Variants in DPYS observed in about 807,000 individuals in gnomAD.
The protein encoded by DPYS is dihydropyrimidinase, also known as dihydropyrimidine amidohydrolase.
Under a neutral mutation model 50.3 loss-of-function variants are expected in DPYS, and 39 were observed. The observed-to-expected ratio is 0.78, with a 90% CI of 0.60 to 1.01. The LOEUF (loss-of-function observed/expected upper bound fraction) is 1.01, where lower values mean the gene tolerates loss of function less well. Ranked by LOEUF, DPYS falls within the 50% of genes least tolerant of loss-of-function variation. DPYS has a pLI of 0.00. For synonymous variants in DPYS, 245 were observed against 250.7 expected, an observed-to-expected ratio of 0.98 and a Z score of 0.22; for missense variants, 659 against 680.9, an observed-to-expected ratio of 0.97 and a Z score of 0.36.
chr8:104,436,173 G>A (rs1813138908), intron 4 of DPYS, among the ~76,000 whole-genome samples: 1 of 152,166 alleles, frequency 6.6e-6, no homozygotes, highest in Non-Finnish European at 1.5e-5. Flanking sequence ...AGACACGCTT[G>A]GTGGAAGAGG....
chr8:104,432,827 C>T (rs1021676582), intron 4 of DPYS, among the ~76,000 whole-genome samples: 1 of 152,098 alleles, frequency 6.6e-6, no homozygotes, highest in Non-Finnish European at 1.5e-5. Context: ...TATGAAAGTA[C>T]CCAGAATCTT....
intron 7 of DPYS, chr8:104,423,847 G>A (rs1812632677): frequency 1.9e-6 from 1 of 519,642 alleles, no homozygotes; most frequent in African/African-American, 2.1e-5. Flanking sequence ...CCTTTGTGCT[G>A]GAATTTTTCT....
chr8:104,397,769 T>C (rs991268283), intron 7 of DPYS, among the ~76,000 whole-genome samples: 1 of 152,214 alleles, frequency 6.6e-6, no homozygotes, highest in Non-Finnish European at 1.5e-5. Flanking sequence ...TTGCCCAAGG[T>C]TCACATAGTT....
chr8:104,386,397 G>A (rs984123497), intron 8 of DPYS, among the ~76,000 whole-genome samples: 1 of 151,804 alleles, frequency 6.6e-6, no homozygotes, highest in Non-Finnish European at 1.5e-5. Context: ...TCCAGGTGTG[G>A]TGGCCTACGC....
intron 7 of DPYS, among the ~76,000 whole-genome samples, chr8:104,415,859 AGATTTCT>A (rs1812348917): frequency 6.6e-6 from 1 of 152,162 alleles, no homozygotes; most frequent in South Asian, 2.1e-4. Flanking sequence ...CATTATACAA[AGATTTCT>A]GACTCACAGC....
chr8:104,438,293 G>A (rs944543320), intron 4 of DPYS, among the ~76,000 whole-genome samples: 1 of 152,160 alleles, frequency 6.6e-6, no homozygotes, highest in Admixed American at 6.5e-5. Context: ...AAAGTATGAT[G>A]AAGAAGCTAG....
intron 7 of DPYS, among the ~76,000 whole-genome samples, chr8:104,423,394 C>T (rs2140618147): frequency 6.6e-6 from 1 of 152,240 alleles, no homozygotes; most frequent in East Asian, 1.9e-4. Flanking sequence ...AAATGATCAT[C>T]GTTTTCCCAA....
At position 104,444,199 on chromosome 8, in the gene DPYS, T is replaced by C. The variant is rs765072660; in HGVS notation, c.793+49A>G. 1.6e-5 allele frequency: 26 copies of C among 1,606,220 alleles called. No individual in the cohort carries two copies. In the African/African-American group the frequency reaches 2.8e-4, roughly 17 times the overall value. On this transcript the variant is annotated intron_variant, in intron 4 of 9. Transcript: ENST00000351513. ...AGCAGAGGCTACAGACGTGGACTTTTCTCTTCAGCTAACACTGAGTTCTAA... is the reference window on the plus strand; with the variant it reads ...AGCAGAGGCTACAGACGTGGACTTTCCTCTTCAGCTAACACTGAGTTCTAA...
At chr8:104,455,342 A>G (rs1463598331) in intron 1 of DPYS, among the ~76,000 whole-genome samples, 1 of 152,192 alleles carries the variant, frequency 6.6e-6, no homozygotes. Context: ...GTTAAAGGGC[A>G]GAATTAAGGT....
chr8:104,436,224 C>T (rs996000513), intron 4 of DPYS, among the ~76,000 whole-genome samples: 8 of 152,202 alleles, frequency 5.3e-5, no homozygotes, highest in South Asian at 4.2e-4. Flanking sequence ...TGAACTGTCC[C>T]GTCAACATAC....
intron 1 of DPYS, among the ~76,000 whole-genome samples, chr8:104,459,425 T>C (rs762299108): frequency 8.5e-5 from 13 of 152,222 alleles, no homozygotes; most frequent in Non-Finnish European, 1.9e-4. Context: ...ACAAATACCA[T>C]GGTTTTCATC....
intron 7 of DPYS, among the ~76,000 whole-genome samples, chr8:104,399,614 A>T (rs569552135): frequency 7.3e-4 from 111 of 152,070 alleles, no homozygotes; most frequent in African/African-American, 2.6e-3. Flanking sequence ...TCACGCCTGT[A>T]ATCCCAGCAC....
At chr8:104,463,915 A>G (rs1814257740) in intron 1 of DPYS, among the ~76,000 whole-genome samples, 1 of 152,090 alleles carries the variant, frequency 6.6e-6, no homozygotes. Context: ...GTTTATCTAT[A>G]TTTCCCCATC....
chr8:104,397,364 G>A (rs1811629518), intron 7 of DPYS, among the ~76,000 whole-genome samples: 1 of 152,216 alleles, frequency 6.6e-6, no homozygotes, highest in Non-Finnish European at 1.5e-5. Flanking sequence ...CATGCTAGGT[G>A]CTTTATAAAC....
chr8:104,444,544 G>T, intron 3 of DPYS, 107 bp from the exon 4 acceptor site: 1 of 1,225,776 alleles, frequency 8.2e-7, no homozygotes, highest in Non-Finnish European at 1.2e-6. Context: ...GATCTGTTAG[G>T]TATAGGGGTG....
At chr8:104,390,167 T>C (rs964145348) in intron 8 of DPYS, among the ~76,000 whole-genome samples, 6 of 152,182 alleles carry the variant, frequency 3.9e-5, no homozygotes, top group African/African-American at 1.4e-4. Flanking sequence ...TAATCTATCA[T>C]CCAGTTCTAT....
intron 7 of DPYS, among the ~76,000 whole-genome samples, chr8:104,407,472 G>A (rs1364807125): frequency 2.0e-5 from 3 of 152,218 alleles, no homozygotes; most frequent in Non-Finnish European, 4.4e-5. Flanking sequence ...CCTGTGAGTA[G>A]TGGAATTTAG....
At chr8:104,394,308 T>A (rs1238976621) in intron 7 of DPYS, among the ~76,000 whole-genome samples, 1 of 152,136 alleles carries the variant, frequency 6.6e-6, no homozygotes, top group Admixed American at 6.6e-5. Flanking sequence ...TGTTCCTTGG[T>A]CTAACTGCTT....
chr8:104,453,954 T>G (rs557802838), intron 1 of DPYS, among the ~76,000 whole-genome samples: 1 of 152,262 alleles, frequency 6.6e-6, no homozygotes, highest in Non-Finnish European at 1.5e-5. Flanking sequence ...AGATAATATA[T>G]TGTGTGATTC....
Sources: gnomAD v4.1 joint callset for allele counts (sites outside exome capture counted in the v4.1 genomes callset) on GRCh38, gnomAD v4.1.1 for gene constraint, MANE v1.5 for transcripts, NCBI Gene and HGNC (gene_info 2026-07-23, HGNC 2026-07-21) for gene names.